PTBP2: variants seen among roughly 807,000 people sequenced by gnomAD.
PTBP2 encodes the protein polypyrimidine tract binding protein 2, also known as polypyrimidine tract-binding protein 2.
In PTBP2, 13 loss-of-function variants were observed where a neutral mutation model predicts 61.4. The observed-to-expected ratio is 0.21, with a 90% CI of 0.14 to 0.34. PTBP2 has a LOEUF of 0.34. PTBP2 is among the 10% of genes least tolerant of loss of function. PTBP2 has a pLI of 1.00. For missense variants in PTBP2, 405 were observed against 642.6 expected (o/e 0.63, Z 4.00); for synonymous variants, 215 against 218.5 (o/e 0.98, Z 0.14).
At chr1:96,742,331 T>C (rs1653146869) in intron 2 of PTBP2, among the ~76,000 whole-genome samples, 1 of 152,226 alleles carries the variant, frequency 6.6e-6, no homozygotes, top group South Asian at 2.1e-4. Flanking sequence ...ACAGGGATAC[T>C]TGGACTAATA....
intron 3 of PTBP2, among the ~76,000 whole-genome samples, chr1:96,757,091 C>G (rs1406720084): frequency 6.6e-6 from 1 of 152,124 alleles, no homozygotes; most frequent in Non-Finnish European, 1.5e-5. Context: ...TGAAAAATGT[C>G]TTTGAAAATT....
At chr1:96,779,057 C>CT (rs1447057656) in intron 7 of PTBP2, among the ~76,000 whole-genome samples, 2 of 152,080 alleles carry the variant, frequency 1.3e-5, no homozygotes, top group African/African-American at 4.8e-5. Flanking sequence ...TGAACACCAC[C>CT]TATAAGGTAG....
intron 3 of PTBP2, among the ~76,000 whole-genome samples, chr1:96,757,878 A>G (rs757458967): frequency 2.0e-5 from 3 of 152,096 alleles, no homozygotes; most frequent in Non-Finnish European, 2.9e-5. Flanking sequence ...AAATATATCA[A>G]AATTTGTTGG....
At chr1:96,760,440 CTTTTTTTT>C (rs989047792) in intron 3 of PTBP2, among the ~76,000 whole-genome samples, 3,918 of 83,164 alleles carry the variant, frequency 0.047, 61 homozygotes, top group Non-Finnish European at 0.061. Context: ...AAATAGTTTG[CTTTTTTTT>C]TTTTTTTTTT....
intron 8 of PTBP2, among the ~76,000 whole-genome samples, chr1:96,789,534 A>G (rs1659563639): frequency 6.6e-6 from 1 of 152,076 alleles, no homozygotes; most frequent in Admixed American, 6.5e-5. Flanking sequence ...TGTCATTTAA[A>G]TCTATTTTGG....
chr1:96,748,594 C>CTAGTCT (rs1269582205), intron 2 of PTBP2, among the ~76,000 whole-genome samples: 1 of 152,070 alleles, frequency 6.6e-6, no homozygotes, highest in Admixed American at 6.5e-5. Context: ...GATATCTATG[C>CTAGTCT]TAGTCTTAAC....
chr1:96,764,522 G>A (rs1335782367), intron 3 of PTBP2, among the ~76,000 whole-genome samples: 7 of 152,102 alleles, frequency 4.6e-5, no homozygotes, highest in African/African-American at 9.7e-5. Flanking sequence ...GTAATAGCAG[G>A]ATTTTCTGAA....
chr1:96,793,929 C>G (rs1254382157), intron 8 of PTBP2, among the ~76,000 whole-genome samples: 2 of 151,992 alleles, frequency 1.3e-5, no homozygotes, highest in Non-Finnish European at 2.9e-5. Context: ...ACATACTGAC[C>G]AGCATTTTCA....
chr1:96,734,917 T>TTTTTTTTTTTTTTTTC (rs1557689561), intron 2 of PTBP2, among the ~76,000 whole-genome samples: 1 of 148,900 alleles, frequency 6.7e-6, no homozygotes, highest in Non-Finnish European at 1.5e-5. Context: ...TTTTTTTTTT[T>TTTTTTTTTTTTTTTTC]TTTTTCCTGC....
intron 3 of PTBP2, among the ~76,000 whole-genome samples, chr1:96,753,454 A>C (rs569653213): frequency 1.3e-4 from 20 of 152,266 alleles, no homozygotes; most frequent in South Asian, 4.1e-4. Context: ...AGGATTAATC[A>C]GTAATTTAGT....
At chr1:96,776,484 C>G (rs1178142597) in intron 5 of PTBP2, among the ~76,000 whole-genome samples, 1 of 151,790 alleles carries the variant, frequency 6.6e-6, no homozygotes, top group Non-Finnish European at 1.5e-5. Flanking sequence ...GACTCTCAAG[C>G]CGTGTGATCT....
At chr1:96,806,485 T>C in intron 10 of PTBP2, 33 bp downstream of exon 10, 1 of 1,587,734 alleles carries the variant, frequency 6.3e-7, no homozygotes, top group Non-Finnish European at 8.6e-7. Flanking sequence ...CTTTTATTAT[T>C]GATTTGATTT....
At chr1:96,763,697 A>G (rs190109137) in intron 3 of PTBP2, among the ~76,000 whole-genome samples, 23 of 151,974 alleles carry the variant, frequency 1.5e-4, no homozygotes, top group Admixed American at 1.0e-3. Flanking sequence ...CAAGGAATCA[A>G]TCTAATCTTT....
At chr1:96,727,731 T>C (rs542106414) in intron 2 of PTBP2, among the ~76,000 whole-genome samples, 16 of 152,302 alleles carry the variant, frequency 1.1e-4, no homozygotes, top group African/African-American at 3.9e-4. Context: ...ATTTTTTATT[T>C]GGTTATTTAT....
chr1:96,800,644 G>A (rs975739981), intron 8 of PTBP2, among the ~76,000 whole-genome samples: 12 of 152,044 alleles, frequency 7.9e-5, no homozygotes, highest in African/African-American at 2.9e-4. Context: ...TGAGGTGGGA[G>A]GATTGCCTGA....
In PTBP2 at chr1:96,812,942, C is replaced by T; in HGVS notation, c.1388+14C>T. On this transcript the variant is annotated intron_variant, in intron 12 of 13. Coordinates refer to ENST00000674951, the MANE Select transcript of PTBP2 (RefSeq NM_021190.4). ...ATCTAATATCCCGTAAGTATATAAGCTAGAGTGTATTGAGATACATTCTAT... is the reference window on the plus strand; with the variant it reads ...ATCTAATATCCCGTAAGTATATAAGTTAGAGTGTATTGAGATACATTCTAT... 1 of 1,596,434 alleles carries T rather than the reference C, an allele frequency of 6.3e-7. No individual in the cohort carries two copies. Among genetic ancestry groups the T allele is most frequent in the Non-Finnish European group, 8.6e-7 (1 of 1,164,128 alleles).
intron 11 of PTBP2, 61 bp downstream of exon 11, chr1:96,807,019 A>T (rs1661557029): frequency 1.6e-6 from 2 of 1,269,034 alleles, no homozygotes; most frequent in Non-Finnish European, 2.2e-6. Flanking sequence ...GCATAATGTG[A>T]ATGTGCGAAT....
Position 96,785,170 on chromosome 1 carries a change from C to A in PTBP2, c.820C>A (p.Arg274=). The A allele has an allele frequency of 1.2e-6, 2 of 1,610,976 alleles. No homozygotes were observed. Among genetic ancestry groups the A allele is most frequent in the South Asian group, 1.1e-5 (1 of 90,516 alleles). The change falls in exon 8 of 14, where the codon CGA becomes AGA. Residue 274 remains arginine, a synonymous_variant. Coordinates refer to ENST00000674951, the MANE Select transcript of PTBP2 (RefSeq NM_021190.4). ...YNNDKSRDYT[R]PDLPSGDGQP... ...CAATGATAAAAGTAGGGATTATACT[C>A]GACCTGATCTTCCATCTGGGGATGG... is the stretch of plus-strand genomic sequence containing the variant.
chr1:96,779,595 A>T (rs1185986603), intron 7 of PTBP2, among the ~76,000 whole-genome samples: 1 of 152,112 alleles, frequency 6.6e-6, no homozygotes, highest in Non-Finnish European at 1.5e-5. Flanking sequence ...TATGATATTG[A>T]TGTTTGTGCA....
Sources: gnomAD v4.1 joint callset for allele counts (sites outside exome capture counted in the v4.1 genomes callset) on GRCh38, gnomAD v4.1.1 for gene constraint, MANE v1.5 for transcripts, NCBI Gene and HGNC (gene_info 2026-07-23, HGNC 2026-07-21) for gene names.